RERE: variants seen among roughly 807,000 people sequenced by gnomAD.
The protein encoded by RERE is arginine-glutamic acid dipeptide repeats.
In RERE, 40 loss-of-function variants were observed where a neutral mutation model predicts 146.1. The observed-to-expected ratio is 0.27, with a 90% CI of 0.21 to 0.36. The LOEUF (loss-of-function observed/expected upper bound fraction) is 0.36. Ranked by LOEUF, RERE falls within the 10% of genes least tolerant of loss-of-function variation. RERE has a pLI of 1.00. For synonymous variants in RERE, 1,003 were observed against 866.0 expected (o/e 1.16, Z -2.78); for missense variants, 1,933 against 2,138.7 (o/e 0.90, Z 1.90).
chr1:8,597,660 C>G (rs1001544529), intron 4 of RERE, among the ~76,000 whole-genome samples: 4 of 152,144 alleles, frequency 2.6e-5, no homozygotes, highest in African/African-American at 4.8e-5. Flanking sequence ...ACAGGCTTTC[C>G]CAGTCTGATT....
intron 3 of RERE, among the ~76,000 whole-genome samples, chr1:8,616,322 C>T (rs1004942203): frequency 6.6e-6 from 1 of 152,232 alleles, no homozygotes; most frequent in East Asian, 1.9e-4. Flanking sequence ...AGTCATTGTT[C>T]TCACATACGA....
intron 1 of RERE, among the ~76,000 whole-genome samples, chr1:8,670,375 A>C (rs1239007769): frequency 6.6e-6 from 1 of 152,218 alleles, no homozygotes; most frequent in Non-Finnish European, 1.5e-5. Context: ...GCAAATGTTT[A>C]CTGAGTTCAT....
At position 8,496,170 on chromosome 1, in the gene RERE, G is replaced by A. The variant is rs542290304; in HGVS notation, c.1005-1008C>T. ...TGTCTTAAAAAAAAAAAAAAAAAAA[G>A]GTGAGAAACCAGAGATAAAACCTCT... On this transcript the variant is annotated intron_variant, in intron 9 of 22. Transcript: ENST00000400908. 8.8e-4 allele frequency among the ~76,000 whole-genome samples: 119 copies of A among 134,816 alleles called. 1 individual carries two copies. The highest frequency in any genetic ancestry group is 3.5e-3 in the African/African-American group (112 of 32,146). 88.4% of individuals were successfully genotyped at this position (134,816 alleles called of 152,430 possible). A position where few individuals can be genotyped will look rare whatever the true frequency, so the allele number is the denominator to read the frequency against.
At chr1:8,700,706 G>C (rs565809588) in intron 1 of RERE, among the ~76,000 whole-genome samples, 1 of 152,162 alleles carries the variant, frequency 6.6e-6, no homozygotes, top group Admixed American at 6.5e-5. Context: ...ATTTCTGCTT[G>C]AGTTTTACAA....
At chr1:8,609,199 A>C (rs1646760136) in intron 4 of RERE, among the ~76,000 whole-genome samples, 1 of 151,916 alleles carries the variant, frequency 6.6e-6, no homozygotes, top group Non-Finnish European at 1.5e-5. Flanking sequence ...GCCTGGGCAA[A>C]AGAGCAAGAC....
intron 3 of RERE, among the ~76,000 whole-genome samples, chr1:8,615,928 C>T (rs1182373675): frequency 1.3e-5 from 2 of 152,136 alleles, no homozygotes; most frequent in East Asian, 3.9e-4. Context: ...AATTTCTGTG[C>T]AGTCAGTCTC....
intron 1 of RERE, among the ~76,000 whole-genome samples, chr1:8,766,569 GA>G (rs1216232729): frequency 3.6e-5 from 5 of 140,468 alleles, no homozygotes; most frequent in Admixed American, 3.5e-4. Context: ...AAAAAGAAAA[GA>G]AAAAAAAGAG....
rs538444289 is a variant in RERE, at chr1:8,752,581, C to G, written c.-145+64579G>C. ...CATATTTTAAAAGTAAGAACACTGA[C>G]AAACTGAGAGATAACGTAACTTGTA... On this transcript the variant is annotated intron_variant, in intron 1 of 22. Coordinates refer to ENST00000400908, the MANE Select transcript of RERE (RefSeq NM_001042681.2). Among the ~76,000 whole-genome samples, 8 of 152,222 alleles carry G rather than the reference C, an allele frequency of 5.3e-5. No individual in the cohort carries two copies. The South Asian group carries it at 1.7e-3, about 32-fold the overall frequency.
intron 7 of RERE, among the ~76,000 whole-genome samples, chr1:8,511,298 A>G (rs569704761): frequency 8.5e-5 from 13 of 152,244 alleles, no homozygotes; most frequent in Non-Finnish European, 1.5e-4. Context: ...AACAGGGAAG[A>G]GTACTAATAA....
Position 8,371,018 on chromosome 1 carries a change from G to GTC in RERE, c.1285-5046_1285-5045dup, listed in dbSNP as rs1258673907. ...TGCTCTCACCTCATCTCACAACAAG[G>GTC]TCTCACAGTCAACATATCTTATGTC... On this transcript the variant is annotated intron_variant, in intron 12 of 22. Coordinates refer to ENST00000400908, the MANE Select transcript of RERE (RefSeq NM_001042681.2). 2.0e-5 allele frequency among the ~76,000 whole-genome samples: 3 copies of GTC among 152,192 alleles called. 1 individual carries two copies. The South Asian group carries it at 6.2e-4, about 32-fold the overall frequency.
chr1:8,409,262 G>A (rs1174946350), intron 12 of RERE, among the ~76,000 whole-genome samples: 4 of 152,210 alleles, frequency 2.6e-5, no homozygotes, highest in African/African-American at 9.7e-5. Flanking sequence ...TGGTTGTAAA[G>A]CTGAGCTATC....
At chr1:8,773,354 T>C (rs554325600) in intron 1 of RERE, among the ~76,000 whole-genome samples, 3 of 152,286 alleles carry the variant, frequency 2.0e-5, no homozygotes, top group Non-Finnish European at 4.4e-5. Context: ...CATAACCAGA[T>C]GATATGTCTT....
chr1:8,577,973 C>T (rs1457744580), intron 4 of RERE, among the ~76,000 whole-genome samples: 1 of 152,058 alleles, frequency 6.6e-6, no homozygotes, highest in East Asian at 1.9e-4. Context: ...CGCCTGTAGT[C>T]CCAGCTGCTC....
chr1:8,374,388 A>C (rs1423694073), intron 12 of RERE, among the ~76,000 whole-genome samples: 1 of 152,144 alleles, frequency 6.6e-6, no homozygotes, highest in Non-Finnish European at 1.5e-5. Flanking sequence ...TTACCACTAC[A>C]TTTACCACTC....
intron 2 of RERE, among the ~76,000 whole-genome samples, chr1:8,632,555 A>T (rs1647047616): frequency 6.6e-6 from 1 of 152,166 alleles, no homozygotes; most frequent in Admixed American, 6.5e-5. Context: ...ATCTATTTAA[A>T]CTCATTCAAG....
At position 8,361,250 on chromosome 1, in the gene RERE, A is replaced by T; in HGVS notation, c.2257T>A (p.Ser753Thr). Residue 753 changes from serine (S) to threonine (T), a missense_variant, in exon 18 of 23, where the codon TCA (serine) becomes ACA (threonine). By Grantham distance (58) the Ser-to-Thr change is moderately conservative. Coordinates refer to ENST00000400908, the MANE Select transcript of RERE (RefSeq NM_001042681.2). ...APTGVTPAPSSAPPGTPQLPT... is the reference protein window; with the variant it reads ...APTGVTPAPSTAPPGTPQLPT... ...AGCTGAGGGGTCCCTGGAGGAGCTG[A>T]GGAGGGAGCTGGGGTGACCCCAGTG... 1 of 1,566,346 alleles carries T rather than the reference A, an allele frequency of 6.4e-7. No individual in the cohort carries two copies.
intron 1 of RERE, among the ~76,000 whole-genome samples, chr1:8,750,048 A>G (rs141946371): frequency 6.7e-6 from 1 of 150,200 alleles, no homozygotes; most frequent in Admixed American, 6.7e-5. Flanking sequence ...GCTACCCGGG[A>G]GGCTAAGACA....
At chr1:8,363,941 A>G (rs1641696250) in intron 15 of RERE, 115 bp downstream of exon 15, 2 of 951,830 alleles carry the variant, frequency 2.1e-6, no homozygotes, top group East Asian at 2.6e-5. Context: ...GCTCCCCTCC[A>G]GGACTTTGTC....
intron 12 of RERE, among the ~76,000 whole-genome samples, chr1:8,386,013 TATATA>T (rs1401042276): frequency 2.4e-5 from 1 of 42,266 alleles, no homozygotes; most frequent in Non-Finnish European, 4.4e-5. Context: ...TATATATATA[TATATA>T]TATATTTTTT....
Sources: allele counts gnomAD v4.1 joint callset (sites outside exome capture counted in the v4.1 genomes callset), GRCh38; gene constraint gnomAD v4.1.1; transcripts MANE v1.5; gene names NCBI Gene and HGNC (gene_info 2026-07-23, HGNC 2026-07-21).